The following SPECC1 variants were observed in gnomAD, a reference collection of about 807,000 sequenced individuals.
SPECC1 encodes the protein sperm antigen with calponin homology and coiled-coil domains 1.
Under a neutral mutation model 104.1 loss-of-function variants are expected in SPECC1, and 62 were observed. The ratio of observed to expected loss-of-function variants is 0.60; its 90% CI spans 0.49 to 0.74. The LOEUF (loss-of-function observed/expected upper bound fraction) is 0.74. Among genes scored for constraint, SPECC1 ranks in the 30% least tolerant of loss-of-function variants. SPECC1 has a pLI of 0.00. For synonymous variants in SPECC1, 513 were observed against 501.6 expected (o/e 1.02, Z -0.30); for missense variants, 1,306 against 1,310.5 (o/e 1.00, Z 0.05).
chr17:20,047,983 A>G (rs2045602213), intron 1 of SPECC1, among the ~76,000 whole-genome samples: 1 of 152,066 alleles, frequency 6.6e-6, no homozygotes, highest in South Asian at 2.1e-4. Flanking sequence ...TCATCAGATA[A>G]TGGTGTTAGT....
intron 12 of SPECC1, among the ~76,000 whole-genome samples, chr17:20,283,785 C>T (rs900097553): frequency 9.9e-5 from 15 of 152,058 alleles, no homozygotes; most frequent in African/African-American, 2.9e-4. Context: ...GATGAGGTTT[C>T]GCCATGTTTC....
chr17:20,025,832 G>T (rs748166052), intron 1 of SPECC1, among the ~76,000 whole-genome samples: 1 of 152,122 alleles, frequency 6.6e-6, no homozygotes, highest in Admixed American at 6.6e-5. Flanking sequence ...CAACAGCAGC[G>T]AATGAGGTTT....
chr17:20,014,711 T>C (rs903742652), intron 1 of SPECC1, among the ~76,000 whole-genome samples: 1 of 152,168 alleles, frequency 6.6e-6, no homozygotes, highest in African/African-American at 2.4e-5. Flanking sequence ...TTTACAATTT[T>C]TTTTCTTTCT....
chr17:20,154,066 A>G (rs542761459), intron 3 of SPECC1, among the ~76,000 whole-genome samples: 1 of 152,376 alleles, frequency 6.6e-6, no homozygotes, highest in African/African-American at 2.4e-5. Flanking sequence ...AACTCATGGT[A>G]CTATACTACC....
At chr17:20,136,625 T>C (rs2030011380) in intron 3 of SPECC1, among the ~76,000 whole-genome samples, 1 of 152,200 alleles carries the variant, frequency 6.6e-6, no homozygotes, top group South Asian at 2.1e-4. Context: ...TGTGGTATCT[T>C]TCTAGAACTA....
At chr17:20,041,317 A>T (rs565165502) in intron 1 of SPECC1, among the ~76,000 whole-genome samples, 131 of 150,910 alleles carry the variant, frequency 8.7e-4, no homozygotes, top group Non-Finnish European at 1.7e-3. Context: ...ATCTCGGCTC[A>T]CCGCAACCTC....
At position 20,314,994 on chromosome 17, in the gene SPECC1, G is replaced by A. The variant is rs2042020841; in HGVS notation, c.*929G>A. 8.6e-6 allele frequency: 2 copies of A among 232,636 alleles called. No individual in the cohort carries two copies. The highest frequency in any genetic ancestry group is 4.4e-5 in the African/African-American group (2 of 45,306). The allele number at this position is 232,636 out of a possible 1,614,324, so 14.4% of individuals were successfully genotyped here. A position where few individuals can be genotyped will look rare whatever the true frequency, so the allele number is the denominator to read the frequency against. ...GAGCAGCTCGCGGCTTTCACAGTAG[G>A]GAAACCGCAGTCCTCGTCACCTGCG... is the stretch of plus-strand genomic sequence containing the variant. On this transcript the variant is annotated 3_prime_UTR_variant, in exon 15 of 15. Transcript: ENST00000395527.
At chr17:20,070,995 G>A (rs531098673) in intron 1 of SPECC1, among the ~76,000 whole-genome samples, 1 of 151,430 alleles carries the variant, frequency 6.6e-6, no homozygotes, top group South Asian at 2.1e-4. Context: ...ATTTCACTAC[G>A]TTGCCCAGGT....
chr17:20,112,630 T>C, intron 3 of SPECC1: 1 of 891,118 alleles, frequency 1.1e-6, no homozygotes, highest in Non-Finnish European at 1.9e-6. Flanking sequence ...GATCAGTGCT[T>C]GACTGTGCAA....
chr17:20,203,778 A>C (rs911525024), intron 3 of SPECC1, among the ~76,000 whole-genome samples: 2 of 152,250 alleles, frequency 1.3e-5, no homozygotes, highest in Admixed American at 6.5e-5. Flanking sequence ...TGCAAGTTAC[A>C]GAAAACCCAG....
intron 3 of SPECC1, among the ~76,000 whole-genome samples, chr17:20,146,825 G>A (rs1165160832): frequency 2.6e-5 from 4 of 152,122 alleles, no homozygotes; most frequent in Non-Finnish European, 4.4e-5. Flanking sequence ...AGAATTGCTT[G>A]AACCCAGGAG....
chr17:20,022,903 A>G (rs1418830073), intron 1 of SPECC1, among the ~76,000 whole-genome samples: 1 of 152,216 alleles, frequency 6.6e-6, no homozygotes, highest in Non-Finnish European at 1.5e-5. Context: ...TCATGACACT[A>G]TTGGATGGGT....
At chr17:20,072,563 G>A (rs1445856634) in intron 1 of SPECC1, among the ~76,000 whole-genome samples, 1 of 152,222 alleles carries the variant, frequency 6.6e-6, no homozygotes, top group Non-Finnish European at 1.5e-5. Flanking sequence ...AGCAGCCTTG[G>A]CCAGGTGGGG....
intron 13 of SPECC1, among the ~76,000 whole-genome samples, chr17:20,299,575 AAAAAG>A (rs1372716483): frequency 1.3e-4 from 15 of 118,198 alleles, no homozygotes; most frequent in Admixed American, 2.6e-4. Flanking sequence ...AAAAAAAAAA[AAAAAG>A]AAAAGAAAAA....
chr17:20,270,305 A>G (rs71369462), intron 12 of SPECC1, among the ~76,000 whole-genome samples: 1 of 151,910 alleles, frequency 6.6e-6, no homozygotes, highest in South Asian at 2.1e-4. Context: ...TTTAAAAAAA[A>G]CAGTGTTATG....
chr17:20,149,914 A>G (rs2031828387), intron 3 of SPECC1, among the ~76,000 whole-genome samples: 1 of 152,174 alleles, frequency 6.6e-6, no homozygotes, highest in South Asian at 2.1e-4. Context: ...ATTATTTCTC[A>G]ACAAATGTTA....
chr17:20,065,984 C>A (rs12453332), intron 1 of SPECC1, among the ~76,000 whole-genome samples: 43,940 of 152,104 alleles, frequency 0.29, 6,861 homozygotes, highest in Middle Eastern at 0.43. Context: ...CTATATCTAT[C>A]TATCTATATG....
At chr17:20,069,072 A>G (rs908034336) in intron 1 of SPECC1, among the ~76,000 whole-genome samples, 2 of 152,244 alleles carry the variant, frequency 1.3e-5, no homozygotes. Context: ...CCAGGAAGTA[A>G]GCCCAGTACC....
chr17:20,060,360 G>A (rs567523490), intron 1 of SPECC1, among the ~76,000 whole-genome samples: 2 of 152,148 alleles, frequency 1.3e-5, no homozygotes, highest in African/African-American at 2.4e-5. Flanking sequence ...ATGCTAAAGC[G>A]TCTGGGCTGG....
Sources: gnomAD v4.1 joint callset for allele counts (sites outside exome capture counted in the v4.1 genomes callset) on GRCh38, gnomAD v4.1.1 for gene constraint, MANE v1.5 for transcripts, NCBI Gene and HGNC (gene_info 2026-07-23, HGNC 2026-07-21) for gene names.